Variants in BOLL observed in about 807,000 individuals in gnomAD.
BOLL encodes protein boule-like.
BOLL carries 23 observed loss-of-function variants against 44.4 expected under a neutral mutation model. The ratio of observed to expected loss-of-function variants is 0.52; its 90% CI spans 0.37 to 0.73. The LOEUF (loss-of-function observed/expected upper bound fraction) is 0.73, where lower values mean the gene tolerates loss of function less well. Among genes scored for constraint, BOLL ranks in the 30% least tolerant of loss-of-function variants. The pLI, the probability that BOLL is intolerant of heterozygous loss-of-function variation, is 0.00. For synonymous variants in BOLL, 97 were observed against 110.8 expected (o/e 0.88, Z 0.78); for missense variants, 287 against 338.3 (o/e 0.85, Z 1.19).
At chr2:197,749,134 C>T (rs1261548368) in intron 9 of BOLL, among the ~76,000 whole-genome samples, 1 of 152,200 alleles carries the variant, frequency 6.6e-6, no homozygotes, top group Non-Finnish European at 1.5e-5. Context: ...TACAGACCTG[C>T]AGCAGAGGGG....
rs540974389 is a variant in BOLL, at chr2:197,757,497, A to ACCATATACAAAAATTAACTCAAG, written c.553-120_553-98dup. On this transcript the variant is annotated intron_variant, in intron 7 of 10. Coordinates refer to ENST00000392296, the MANE Select transcript of BOLL (RefSeq NM_033030.6). ...CAAAAATATGAAGTTGGACCCTCAC[A>ACCATATACAAAAATTAACTCAAG]CCATATACAAAAATTAACTCAAGCC... 4.2e-4 allele frequency: 424 copies of ACCATATACAAAAATTAACTCAAG among 1,002,672 alleles called. 3 individuals carry two copies. The African/African-American group carries it at 6.7e-3, about 16-fold the overall frequency. The allele number at this position is 1,002,672 out of a possible 1,614,324, so 62.1% of individuals were successfully genotyped here.
chr2:197,737,184 C>T (rs115841769), intron 10 of BOLL, among the ~76,000 whole-genome samples: 121 of 152,176 alleles, frequency 8.0e-4, no homozygotes, highest in African/African-American at 2.7e-3. Context: ...CTAATACATA[C>T]GTTCTTATAC....
intron 4 of BOLL, 35 bp from the exon 5 acceptor site, chr2:197,775,775 T>G (rs1398672535): frequency 1.6e-6 from 2 of 1,234,206 alleles, no homozygotes; most frequent in Middle Eastern, 5.7e-4. Context: ...TTTTATTATT[T>G]TAGCACTATT....
At chr2:197,769,586 G>A (rs900896800) in intron 6 of BOLL, among the ~76,000 whole-genome samples, 2 of 152,070 alleles carry the variant, frequency 1.3e-5, no homozygotes, top group African/African-American at 4.8e-5. Flanking sequence ...TGACATGATT[G>A]TATATTTAGA....
upstream of BOLL, chr2:197,785,402 C>G: frequency 2.0e-6 from 2 of 985,638 alleles, no homozygotes; most frequent in South Asian, 9.3e-5. The surrounding 1 kb of genome is among the most constrained non-coding windows in gnomAD (Gnocchi z 6.7). Context: ...GCCGCTGCGC[C>G]TCGGGCCTGT....
chr2:197,748,307 A>G (rs901232583), intron 9 of BOLL, among the ~76,000 whole-genome samples: 1 of 152,180 alleles, frequency 6.6e-6, no homozygotes, highest in Non-Finnish European at 1.5e-5. Context: ...CTGGGTGCCC[A>G]TTTGGGCAGA....
In BOLL at chr2:197,727,731, G is replaced by T. The variant is rs1686906981; in HGVS notation, c.*824C>A. ...GGTGGAATTTCAGTCAGTGTTATGG[G>T]ATCATGTCAGAGATGAACCCTTTTA... On this transcript the variant is annotated 3_prime_UTR_variant, in exon 11 of 11. Coordinates refer to ENST00000392296, the MANE Select transcript of BOLL (RefSeq NM_033030.6). 6.6e-6 allele frequency: 1 copy of T among 152,264 alleles called. No homozygotes were observed. Among genetic ancestry groups the T allele is most frequent in the Non-Finnish European group, 1.5e-5 (1 of 68,018 alleles). 9.4% of individuals were successfully genotyped at this position (152,264 alleles called of 1,614,324 possible).
chr2:197,744,107 C>G (rs556823629), intron 9 of BOLL, among the ~76,000 whole-genome samples: 13 of 152,228 alleles, frequency 8.5e-5, no homozygotes, highest in Non-Finnish European at 1.5e-4. Context: ...TTGCGCCCAG[C>G]TACATTCTTT....
intron 4 of BOLL, 37 bp downstream of exon 4, chr2:197,777,022 T>A: frequency 6.8e-7 from 1 of 1,469,104 alleles, no homozygotes; most frequent in East Asian, 2.3e-5. Flanking sequence ...AATACAAAAT[T>A]TCCAGAAATG....
At chr2:197,750,756 A>G (rs1168197026) in intron 9 of BOLL, among the ~76,000 whole-genome samples, 5 of 152,194 alleles carry the variant, frequency 3.3e-5, no homozygotes, top group Non-Finnish European at 5.9e-5. Flanking sequence ...AAAATTAACA[A>G]ATATAGTCAG....
At chr2:197,774,715 C>T (rs902055155) in intron 5 of BOLL, 2 of 151,880 alleles carry the variant, frequency 1.3e-5, no homozygotes, top group African/African-American at 4.8e-5. Flanking sequence ...AAATATTCAG[C>T]ATTCTGCCAT....
rs1478839069 is a variant in BOLL at position 197,745,206 on chromosome 2, T to C, written c.730-2047A>G. On this transcript the variant is annotated intron_variant, in intron 9 of 10. Transcript: ENST00000392296. ...AGGGCTTGGCAAAGGTTTAAAATAA[T>C]CATTGAAATAAGTGAGTGAAGACGG... 2.6e-5 allele frequency among the ~76,000 whole-genome samples: 4 copies of C among 151,974 alleles called. No homozygotes were observed. The East Asian group carries it at 7.7e-4, about 29-fold the overall frequency.
At chr2:197,749,091 A>G (rs569670220) in intron 9 of BOLL, among the ~76,000 whole-genome samples, 5 of 152,364 alleles carry the variant, frequency 3.3e-5, no homozygotes, top group Admixed American at 2.6e-4. Flanking sequence ...TACCCAGGCA[A>G]ACAGGGTCTG....
chr2:197,743,140 A>G lies in BOLL; in HGVS notation c.749T>C (p.Val250Ala), dbSNP rs1687834591. ...ATAAACCTGGTGATATGTTGCTTGA[A>G]CTCCATGATCAGAATAAGGCTATTA... Reference protein sequence around the residue: ...SVPEPYSDHGVQATYHQVYAP... With the variant: ...SVPEPYSDHGAQATYHQVYAP... The change falls in exon 10 of 11, where the codon GTT (valine) becomes GCT (alanine). Residue 250 changes from valine (V) to alanine (A), a missense_variant. By Grantham distance (64) the Val-to-Ala change is moderately conservative (BLOSUM62 0). Coordinates refer to ENST00000392296, the MANE Select transcript of BOLL (RefSeq NM_033030.6). 3 of 1,602,134 alleles carry G rather than the reference A, an allele frequency of 1.9e-6. No individual in the cohort carries two copies. Among genetic ancestry groups the G allele is most frequent in the South Asian group, 2.2e-5 (2 of 89,290 alleles).
chr2:197,764,737 G>A (rs1370537764), intron 7 of BOLL, among the ~76,000 whole-genome samples: 4 of 152,094 alleles, frequency 2.6e-5, no homozygotes, highest in Non-Finnish European at 5.9e-5. Flanking sequence ...TGTTGTTAAA[G>A]GAAACAAACT....
chr2:197,743,211 A>G (rs1559395977), intron 9 of BOLL, 52 bp from the exon 10 acceptor site: 5 of 1,334,672 alleles, frequency 3.7e-6, no homozygotes, highest in Non-Finnish European at 5.2e-6. Context: ...TTAATTCTAA[A>G]TATTTACTCA....
intron 10 of BOLL, among the ~76,000 whole-genome samples, chr2:197,737,830 T>C (rs1245827752): frequency 3.9e-5 from 6 of 152,162 alleles, no homozygotes; most frequent in African/African-American, 9.6e-5. Context: ...AATCATACTT[T>C]GTCGACCATT....
intron 9 of BOLL, among the ~76,000 whole-genome samples, chr2:197,748,616 T>C (rs1011414115): frequency 6.6e-6 from 1 of 152,198 alleles, no homozygotes; most frequent in African/African-American, 2.4e-5. Flanking sequence ...ATAAAGCCAC[T>C]GGGAAGTTCG....
At chr2:197,748,520 C>T (rs1048925085) in intron 9 of BOLL, among the ~76,000 whole-genome samples, 1 of 152,210 alleles carries the variant, frequency 6.6e-6, no homozygotes, top group African/African-American at 2.4e-5. Flanking sequence ...TGTCTGAAGT[C>T]GACCTGGGAT....
Sources: gnomAD v4.1 joint callset for allele counts (sites outside exome capture counted in the v4.1 genomes callset) on GRCh38, gnomAD v4.1.1 for gene constraint, Gnocchi (gnomAD v3.1) non-coding constraint, MANE v1.5 for transcripts, NCBI Gene and HGNC (gene_info 2026-07-23, HGNC 2026-07-21) for gene names.